Variants in CTTNBP2 observed in about 807,000 individuals in gnomAD.
CTTNBP2 encodes cortactin-binding protein 2.
CTTNBP2 carries 108 observed loss-of-function variants against 156.9 expected under a neutral mutation model. The ratio of observed to expected loss-of-function variants is 0.69; its 90% CI spans 0.59 to 0.81. The LOEUF is 0.81. CTTNBP2 is among the 30% of genes least tolerant of loss of function. The pLI, the probability that CTTNBP2 is intolerant of heterozygous loss-of-function variation, is 0.00. For synonymous variants in CTTNBP2, 767 were observed against 751.8 expected, an observed-to-expected ratio of 1.02 and a Z score of -0.33; for missense variants, 1,924 against 2,035.4, an observed-to-expected ratio of 0.95 and a Z score of 1.05.
chr7:117,785,105 A>T (rs546465155), intron 4 of CTTNBP2, among the ~76,000 whole-genome samples: 146 of 152,314 alleles, frequency 9.6e-4, no homozygotes, highest in African/African-American at 3.5e-3. Context: ...ACCAGCACAA[A>T]TATTCAATAT....
rs749626917 is a variant in CTTNBP2, at chr7:117,792,607, C to T, written c.589G>A (p.Ala197Thr). The T allele has an allele frequency of 3.7e-6, 6 of 1,614,022 alleles. No individual in the cohort carries two copies. The East Asian group carries it at 1.1e-4, about 30-fold the overall frequency. ...TTTTTCTTTTCCTCTTCCAGTTTGG[C>T]CATTACGTCTTCGAGCTTCTGGGCC... ...EEAQKLEDVM[A>T]KLEEEKKKTN... The change falls in exon 4 of 23, where the codon GCC becomes ACC. Residue 197 changes from alanine (A) to threonine (T), a missense_variant. Physicochemically the swap from Ala to Thr is moderately conservative, Grantham distance 58. Transcript: ENST00000160373. The surrounding 1 kb of genome is among the most constrained non-coding windows in gnomAD (Gnocchi z 4.2).
At chr7:117,805,986 T>C (rs1799915593) in intron 3 of CTTNBP2, among the ~76,000 whole-genome samples, 1 of 152,214 alleles carries the variant, frequency 6.6e-6, no homozygotes, top group South Asian at 2.1e-4. Flanking sequence ...CAGGACCACA[T>C]ACTAAGTTAA....
At chr7:117,860,739 T>C (rs1353894481) in intron 2 of CTTNBP2, among the ~76,000 whole-genome samples, 1 of 152,212 alleles carries the variant, frequency 6.6e-6, no homozygotes, top group African/African-American at 2.4e-5. Context: ...TTTGAAGGTA[T>C]GGATAAACAT....
chr7:117,862,698 C>T (rs548099496), intron 1 of CTTNBP2, among the ~76,000 whole-genome samples: 10 of 152,294 alleles, frequency 6.6e-5, no homozygotes, highest in South Asian at 6.2e-4. Context: ...TCTGTAGACT[C>T]GCCCTCAGAA....
chr7:117,717,808 A>AAAAGTAATGCTTTCCTATGTCATTTTTTT (rs1794520482), intron 22 of CTTNBP2, among the ~76,000 whole-genome samples: 1 of 152,090 alleles, frequency 6.6e-6, no homozygotes, highest in Non-Finnish European at 1.5e-5. Context: ...TTGAAGGGAA[A>AAAAGTAATGCTTTCCTATGTCATTTTTTT]AAAGTAATGC....
At chr7:117,789,378 A>G (rs1798871776) in intron 4 of CTTNBP2, among the ~76,000 whole-genome samples, 2 of 152,200 alleles carry the variant, frequency 1.3e-5, no homozygotes, top group South Asian at 4.1e-4. Flanking sequence ...TTTCTACTTT[A>G]CAGTCTATGC....
Position 117,711,724 on chromosome 7 carries a change from G to C in CTTNBP2, c.4805C>G (p.Thr1602Ser), listed in dbSNP as rs777471203. The C allele has an allele frequency of 1.9e-6, 3 of 1,613,938 alleles. No homozygotes were observed. The Admixed American group carries it at 5.0e-5, about 27-fold the overall frequency. The part of the protein sequence containing the change: ...TTECSNSKSK[T>S]ELGVSRVKSF... ...TTTAACTCTTGAAACACCCAACTCAGTCTTTGATTTACTGTTGCTGCATTC... is the reference window on the plus strand; with the variant it reads ...TTTAACTCTTGAAACACCCAACTCACTCTTTGATTTACTGTTGCTGCATTC... Residue 1602 changes from threonine (T) to serine (S), a missense_variant, in exon 23 of 23, where the codon ACT becomes AGT. Physicochemically the swap from Thr to Ser is moderately conservative, Grantham distance 58. Coordinates refer to ENST00000160373, the MANE Select transcript of CTTNBP2 (RefSeq NM_033427.3).
At chr7:117,838,936 T>C (rs1376288725) in intron 2 of CTTNBP2, among the ~76,000 whole-genome samples, 1 of 127,412 alleles carries the variant, frequency 7.8e-6, no homozygotes, top group Non-Finnish European at 1.6e-5. Context: ...TCCACATTTT[T>C]GTTGAATAAT....
At chr7:117,819,367 TCACACACACACACACACACACACA>T (rs71529472) in intron 2 of CTTNBP2, among the ~76,000 whole-genome samples, 2 of 130,706 alleles carry the variant, frequency 1.5e-5, no homozygotes, top group African/African-American at 5.3e-5. Context: ...TCTCTCTCTC[TCACACACACACACACACACACACA>T]CACACACACA....
At chr7:117,831,465 T>C (rs937051212) in intron 2 of CTTNBP2, among the ~76,000 whole-genome samples, 2 of 152,088 alleles carry the variant, frequency 1.3e-5, no homozygotes, top group African/African-American at 2.4e-5. Flanking sequence ...AATGTCCACC[T>C]TGAGCCACAG....
intron 16 of CTTNBP2, among the ~76,000 whole-genome samples, chr7:117,734,539 T>C (rs1584917615): frequency 1.3e-5 from 2 of 152,338 alleles, no homozygotes; most frequent in Middle Eastern, 3.4e-3. Context: ...ATATCTACCA[T>C]AGCATAGTAT....
At chr7:117,840,626 C>T (rs1428341284) in intron 2 of CTTNBP2, among the ~76,000 whole-genome samples, 2 of 152,224 alleles carry the variant, frequency 1.3e-5, no homozygotes, top group Admixed American at 6.5e-5. Context: ...AGCACATACG[C>T]ATTTGTGATA....
intron 2 of CTTNBP2, among the ~76,000 whole-genome samples, chr7:117,841,216 T>C (rs889228238): frequency 6.6e-6 from 1 of 152,202 alleles, no homozygotes; most frequent in Non-Finnish European, 1.5e-5. Flanking sequence ...ATCTGCTTCT[T>C]CATCTGAGCT....
intron 9 of CTTNBP2, among the ~76,000 whole-genome samples, chr7:117,766,235 C>T (rs35331252): frequency 0.018 from 2,687 of 152,074 alleles, 44 homozygotes; most frequent in Non-Finnish European, 0.026. Flanking sequence ...TTTAAGGACC[C>T]GAAACCTAGA....
intron 1 of CTTNBP2, among the ~76,000 whole-genome samples, chr7:117,864,497 A>T (rs746840688): frequency 1.4e-3 from 205 of 151,802 alleles, no homozygotes; most frequent in Non-Finnish European, 2.4e-3. Flanking sequence ...AAACAGGGTT[A>T]AAAAAAGTAC....
chr7:117,742,597 G>C (rs1261075206), intron 14 of CTTNBP2, among the ~76,000 whole-genome samples: 1 of 152,104 alleles, frequency 6.6e-6, no homozygotes, highest in Non-Finnish European at 1.5e-5. Context: ...ATGTAAAAGT[G>C]AGGAGTTCCA....
intron 2 of CTTNBP2, among the ~76,000 whole-genome samples, chr7:117,834,045 T>C (rs1363393105): frequency 7.4e-6 from 1 of 135,976 alleles, no homozygotes; most frequent in Admixed American, 8.2e-5. Context: ...CATATTTTCT[T>C]TTTTCTTTCT....
chr7:117,780,479 A>G lies in CTTNBP2; in HGVS notation c.2485T>C (p.Leu829=). ...KNGNKECIKL[L]LEAGTNRSVK... ...CTTCGATTGGTTCCAGCTTCCAACA[A>G]GAGTTTAATACATTCTTTATTTCCA... The change falls in exon 7 of 23, where the codon TTG becomes CTG. Residue 829 remains leucine (L), a synonymous_variant. Transcript: ENST00000160373. 6.3e-7 allele frequency: 1 copy of G among 1,592,216 alleles called. No individual in the cohort carries two copies. Among genetic ancestry groups the G allele is most frequent in the African/African-American group, 1.4e-5 (1 of 73,700 alleles).
At chr7:117,733,981 A>C (rs1194888175) in intron 16 of CTTNBP2, among the ~76,000 whole-genome samples, 1 of 152,204 alleles carries the variant, frequency 6.6e-6, no homozygotes, top group Non-Finnish European at 1.5e-5. Flanking sequence ...CCTGATAAGG[A>C]AGAGACTGAG....
Sources: allele counts gnomAD v4.1 joint callset (sites outside exome capture counted in the v4.1 genomes callset), GRCh38; gene constraint gnomAD v4.1.1; non-coding constraint Gnocchi (gnomAD v3.1); transcripts MANE v1.5; gene names NCBI Gene and HGNC (gene_info 2026-07-23, HGNC 2026-07-21).